NLGN4X: variants seen among roughly 807,000 people sequenced by gnomAD.
NLGN4X encodes the protein neuroligin 4 X-linked.
In NLGN4X, 3 loss-of-function variants were observed where a neutral mutation model predicts 40.3. That is an observed-to-expected ratio of 0.07 (90% confidence interval 0.03 to 0.19). NLGN4X has a LOEUF of 0.19. Ranked by LOEUF, NLGN4X falls within the 10% of genes least tolerant of loss-of-function variation. The pLI is 1.00. For synonymous variants in NLGN4X, 270 were observed against 306.8 expected (o/e 0.88, Z 1.25); for missense variants, 382 against 708.3 (o/e 0.54, Z 5.23).
intron 3 of NLGN4X, among the ~76,000 whole-genome samples, chrX:6,005,496 T>C (rs1358541846): frequency 1.8e-5 from 2 of 111,001 alleles, no homozygotes; most frequent in African/African-American, 6.6e-5. Flanking sequence ...CAGCCCTGGG[T>C]TGTCTTCACT....
At chrX:6,157,657 T>A (rs759313705) in intron 1 of NLGN4X, among the ~76,000 whole-genome samples, 1 of 111,496 alleles carries the variant, frequency 9.0e-6, no homozygotes, top group Non-Finnish European at 1.9e-5. Context: ...TAGAGGGCTG[T>A]ATTTTCCTTA....
chrX:5,932,376 G>A (rs899766973), intron 3 of NLGN4X, among the ~76,000 whole-genome samples: 5 of 111,445 alleles, frequency 4.5e-5, no homozygotes, highest in African/African-American at 9.8e-5. Context: ...ACTCACCTAA[G>A]GAGAACACAG....
intron 2 of NLGN4X, among the ~76,000 whole-genome samples, chrX:6,132,231 T>C (rs769924986): frequency 4.5e-5 from 5 of 111,599 alleles, no homozygotes; most frequent in Admixed American, 9.5e-5. Flanking sequence ...GTACTGTGCA[T>C]TGTAGGATGT....
At position 6,026,832 on chromosome X, in the gene NLGN4X, GT is replaced by G. The variant is rs918320636; in HGVS notation, c.625+2447del. ...AGTAGACTTAACAATTTTTCAATTA[GT>G]TTTTTTTTCCTCTAAAAAAAGTGTG... is the stretch of plus-strand genomic sequence containing the variant. On this transcript the variant is annotated intron_variant, in intron 3 of 5. Coordinates refer to ENST00000381095, the MANE Select transcript of NLGN4X (RefSeq NM_181332.3). 5.5e-5 allele frequency among the ~76,000 whole-genome samples: 6 copies of G among 109,616 alleles called. No homozygotes were observed. In the South Asian group the frequency reaches 2.4e-3, roughly 43 times the overall value.
chrX:6,048,252 C>G (rs2037379303), intron 2 of NLGN4X, among the ~76,000 whole-genome samples: 1 of 111,833 alleles, frequency 8.9e-6, no homozygotes, highest in Admixed American at 9.5e-5. Context: ...TTCCCAATCT[C>G]TCCTTTGAAA....
intron 3 of NLGN4X, among the ~76,000 whole-genome samples, chrX:5,956,941 A>C (rs1357801003): frequency 9.0e-6 from 1 of 111,107 alleles, no homozygotes; most frequent in Non-Finnish European, 1.9e-5. Flanking sequence ...TGTGTTAAGA[A>C]GTTGGGAATA....
intron 1 of NLGN4X, among the ~76,000 whole-genome samples, chrX:6,221,209 G>A (rs1426960476): frequency 6.6e-5 from 7 of 106,076 alleles, no homozygotes. Context: ...TCCCACCTCA[G>A]CTGGAACCAC....
intron 2 of NLGN4X, among the ~76,000 whole-genome samples, chrX:6,032,353 T>TA (rs1346678463): frequency 1.1e-5 from 1 of 91,672 alleles, no homozygotes; most frequent in Non-Finnish European, 2.1e-5. Flanking sequence ...AGGGAGAAAA[T>TA]AGACTATACA....
chrX:5,916,459 AT>A (rs921170782), intron 3 of NLGN4X, among the ~76,000 whole-genome samples: 2 of 108,010 alleles, frequency 1.9e-5, no homozygotes, highest in Admixed American at 9.7e-5. Context: ...ATTTTTATGT[AT>A]TTTTTTTGAG....
chrX:6,076,863 C>A (rs775560326), intron 2 of NLGN4X, among the ~76,000 whole-genome samples: 35 of 112,297 alleles, frequency 3.1e-4, no homozygotes, highest in Non-Finnish European at 4.1e-4. Context: ...GGATAACTCT[C>A]TTTGCTTTTC....
chrX:5,947,098 G>T (rs2034150046), intron 3 of NLGN4X, among the ~76,000 whole-genome samples: 1 of 111,836 alleles, frequency 8.9e-6, no homozygotes, highest in South Asian at 3.7e-4. Context: ...CATTTAAGTT[G>T]ACTCTGTGTC....
intron 3 of NLGN4X, among the ~76,000 whole-genome samples, chrX:5,985,173 G>A (rs1287688294): frequency 3.6e-5 from 4 of 111,887 alleles, no homozygotes; most frequent in Admixed American, 2.9e-4. Context: ...AATTTCTAGG[G>A]TTATTTACTA....
At chrX:6,139,708 G>T (rs1997480) in intron 2 of NLGN4X, among the ~76,000 whole-genome samples, 43,895 of 110,493 alleles carry the variant, frequency 0.4, 6,566 homozygotes, top group African/African-American at 0.52. Context: ...CACTGCTTTT[G>T]ATGAAACGTT....
At chrX:6,170,167 G>C (rs2040576671) in intron 1 of NLGN4X, among the ~76,000 whole-genome samples, 1 of 110,855 alleles carries the variant, frequency 9.0e-6, no homozygotes, top group Non-Finnish European at 1.9e-5. Flanking sequence ...ATGTTGCCCA[G>C]GCTGGTCTGG....
rs148355941 is a variant in NLGN4X at position 5,898,673 on chromosome X, C to T, written c.1601+4404G>A. ...CTTTCTCCACGGCACCGTGTAGTGA[C>T]AGACACGCTGGGAGCTATTCTTGTT... On this transcript the variant is annotated intron_variant, in intron 5 of 5. Transcript: ENST00000381095. Among the ~76,000 whole-genome samples, 763 of 111,496 alleles carry T rather than the reference C, an allele frequency of 6.8e-3. 12 individuals carry two copies. Among genetic ancestry groups the T allele is most frequent in the African/African-American group, 0.022 (687 of 30,654 alleles).
chrX:5,961,507 T>C (rs2034663596), intron 3 of NLGN4X, among the ~76,000 whole-genome samples: 1 of 112,242 alleles, frequency 8.9e-6, no homozygotes, highest in Non-Finnish European at 1.9e-5. Context: ...TTGCACAGGT[T>C]GGATGGGTAT....
In NLGN4X at chrX:5,892,795, T is replaced by C. The variant is rs1435419616; in HGVS notation, c.*22A>G. 5.0e-6 allele frequency: 6 copies of C among 1,207,031 alleles called. No homozygotes were observed. The highest frequency in any genetic ancestry group is 5.9e-5 in the East Asian group (2 of 33,710). On this transcript the variant is annotated 3_prime_UTR_variant, in exon 6 of 6. Transcript: ENST00000381095. ...TTGCTGAGCGGGTAGGGCAGAGGGATAGGAAGGGAAATAGGGCAAAGCTAT... is the reference window on the plus strand; with the variant it reads ...TTGCTGAGCGGGTAGGGCAGAGGGACAGGAAGGGAAATAGGGCAAAGCTAT...
chrX:6,134,234 G>A (rs1255027862), intron 2 of NLGN4X, among the ~76,000 whole-genome samples: 3 of 112,011 alleles, frequency 2.7e-5, no homozygotes, highest in African/African-American at 9.7e-5. Flanking sequence ...GGTTGGCTGA[G>A]TGCAGGACTT....
intron 2 of NLGN4X, among the ~76,000 whole-genome samples, chrX:6,065,087 G>A (rs2037876163): frequency 9.1e-6 from 1 of 110,408 alleles, no homozygotes; most frequent in African/African-American, 3.3e-5. Context: ...CCAAAAAGGG[G>A]AACAATAAAC....
Sources: allele counts gnomAD v4.1 joint callset (sites outside exome capture counted in the v4.1 genomes callset), GRCh38; gene constraint gnomAD v4.1.1; transcripts MANE v1.5; gene names NCBI Gene and HGNC (gene_info 2026-07-23, HGNC 2026-07-21).